Variants in YEATS4 observed in about 807,000 individuals in gnomAD.
YEATS4 encodes the protein YEATS domain-containing protein 4.
In YEATS4, 17 loss-of-function variants were observed where a neutral mutation model predicts 30.1. The ratio of observed to expected loss-of-function variants is 0.56; its 90% confidence interval spans 0.39 to 0.85. The LOEUF (loss-of-function observed/expected upper bound fraction) is 0.85. YEATS4 is among the 40% of genes least tolerant of loss of function. The pLI is 0.00. For synonymous variants in YEATS4, 85 were observed against 87.5 expected (o/e 0.97, Z 0.16); for missense variants, 142 against 268.3 (o/e 0.53, Z 3.29).
chr12:69,420,150 G>A, the YEATS4 span, among the ~76,000 whole-genome samples: 1 of 152,198 alleles, frequency 6.6e-6, no homozygotes, highest in Non-Finnish European at 1.5e-5. Flanking sequence ...TAATTTTCAT[G>A]GCCCATTCCC....
At chr12:69,391,566 C>T (rs1322352603), downstream of YEATS4, among the ~76,000 whole-genome samples, 1 of 152,114 alleles carries the variant, frequency 6.6e-6, no homozygotes, top group Non-Finnish European at 1.5e-5. Context: ...TACTTTGTGG[C>T]TTTATTTTTT....
intron 6 of YEATS4, among the ~76,000 whole-genome samples, chr12:69,374,702 G>C (rs1272936258): frequency 6.6e-6 from 1 of 151,150 alleles, no homozygotes; most frequent in Non-Finnish European, 1.5e-5. Context: ...TGGGGGTAAG[G>C]TTATGGATTA....
Position 69,359,927 on chromosome 12 carries a change from C to T in YEATS4, c.-46C>T, listed in dbSNP as rs199748516. On this transcript the variant is annotated 5_prime_UTR_variant, in exon 1 of 7. Transcript: ENST00000247843. ...CTGAGGGGAGCGGCGACCCCGCCAGCCCCGGTCTCTTTCCCTGGCGGCGGC... is the reference window on the plus strand; with the variant it reads ...CTGAGGGGAGCGGCGACCCCGCCAGTCCCGGTCTCTTTCCCTGGCGGCGGC... 1.2e-6 allele frequency: 2 copies of T among 1,610,520 alleles called. No individual in the cohort carries two copies. Among genetic ancestry groups the T allele is most frequent in the African/African-American group, 1.3e-5 (1 of 74,728 alleles).
At chr12:69,397,840 A>G in the YEATS4 span, among the ~76,000 whole-genome samples, 3 of 152,190 alleles carry the variant, frequency 2.0e-5, no homozygotes, top group South Asian at 6.2e-4. Flanking sequence ...AATCCTGCCC[A>G]CAACTTGATC....
chr12:69,381,013 T>C (rs1876054319), intron 6 of YEATS4, among the ~76,000 whole-genome samples: 1 of 152,126 alleles, frequency 6.6e-6, no homozygotes, highest in South Asian at 2.1e-4. Flanking sequence ...AAAACTAAAA[T>C]TGCTAATGAA....
chr12:69,412,477 C>T, the YEATS4 span, among the ~76,000 whole-genome samples: 19,059 of 151,692 alleles, frequency 0.13, 1,515 homozygotes, highest in East Asian at 0.38. Context: ...GGTGAAACCC[C>T]GTCTCTACTA....
At position 69,390,520 on chromosome 12, in the gene YEATS4, G is replaced by C; in HGVS notation, c.*204G>C. ...TGTGTGTAAGAATGGATGCTATATA[G>C]GTATTTTACCAACCCATTTTAAGAA... On this transcript the variant is annotated 3_prime_UTR_variant, in exon 7 of 7. Transcript: ENST00000247843. 1 of 353,176 alleles carries C rather than the reference G, an allele frequency of 2.8e-6. No individual in the cohort carries two copies. The highest frequency in any genetic ancestry group is 5.0e-6 in the Non-Finnish European group (1 of 201,338). 21.9% of individuals were successfully genotyped at this position (353,176 alleles called of 1,614,324 possible).
Position 69,379,583 on chromosome 12 carries a change from A to ATTTTTTTTT in YEATS4, c.514+8637_514+8645dup, listed in dbSNP as rs61048163. On this transcript the variant is annotated intron_variant, in intron 6 of 6. Transcript: ENST00000247843. ...CACATGCCACCACTATGCCCAGCTAATTTTTTTTTTTTTTTTTTTTTTTTT... is the reference window on the plus strand; with the variant it reads ...CACATGCCACCACTATGCCCAGCTAATTTTTTTTTTTTTTTTTTTTTTTTTTTTTTTTTT... Among the ~76,000 whole-genome samples, 30 of 72,272 alleles carry ATTTTTTTTT rather than the reference A, an allele frequency of 4.2e-4. 2 individuals are homozygous for ATTTTTTTTT. The highest frequency in any genetic ancestry group is 6.4e-4 in the South Asian group (1 of 1,574). 47.4% of individuals were successfully genotyped at this position (72,272 alleles called of 152,430 possible). A position where few individuals can be genotyped will look rare whatever the true frequency, so the allele number is the denominator to read the frequency against.
intron 4 of YEATS4, among the ~76,000 whole-genome samples, chr12:69,366,921 C>T (rs1332296951): frequency 1.3e-5 from 2 of 152,128 alleles, no homozygotes; most frequent in Admixed American, 1.3e-4. Context: ...AAAATTCAAG[C>T]TCCTAGGCCT....
chr12:69,386,075 T>C (rs749377562), intron 6 of YEATS4, among the ~76,000 whole-genome samples: 18 of 152,190 alleles, frequency 1.2e-4, no homozygotes, highest in Non-Finnish European at 1.6e-4. Flanking sequence ...CATTGGGAAA[T>C]TAAAAACAGA....
chr12:69,400,167 C>CT, the YEATS4 span, among the ~76,000 whole-genome samples: 2 of 151,816 alleles, frequency 1.3e-5, no homozygotes, highest in Non-Finnish European at 2.9e-5. Context: ...TTACTGAATA[C>CT]TTTATGTGCC....
the YEATS4 span, among the ~76,000 whole-genome samples, chr12:69,408,097 C>T: frequency 2.0e-5 from 3 of 152,052 alleles, no homozygotes; most frequent in Non-Finnish European, 2.9e-5. Flanking sequence ...TGGGCTGAAT[C>T]GGAAGAGAAC....
chr12:69,400,487 A>T, the YEATS4 span, among the ~76,000 whole-genome samples: 1 of 152,160 alleles, frequency 6.6e-6, no homozygotes, highest in Non-Finnish European at 1.5e-5. Context: ...CAATAGAAAA[A>T]TGGGCAAAGA....
At position 69,367,650 on chromosome 12, in the gene YEATS4, G is replaced by C. The variant is rs945996968; in HGVS notation, c.333+1766G>C. On this transcript the variant is annotated intron_variant, in intron 4 of 6. Coordinates refer to ENST00000247843, the MANE Select transcript of YEATS4 (RefSeq NM_006530.4). ...CAAGGTGCTGGGATTACAGGCATGA[G>C]CCACCATGACCGGTCAAGAAATTAT... Among the ~76,000 whole-genome samples the C allele has an allele frequency of 3.3e-5, 5 of 152,290 alleles. No individual in the cohort carries two copies. In the East Asian group the frequency reaches 9.6e-4, roughly 29 times the overall value.
intron 1 of YEATS4, 73 bp downstream of exon 1, chr12:69,360,096 G>A (rs1014253637): frequency 7.2e-6 from 11 of 1,525,338 alleles, no homozygotes; most frequent in Admixed American, 1.9e-5. Context: ...CGCGGGGAGG[G>A]CCCACTGGGT....
intron 1 of YEATS4, among the ~76,000 whole-genome samples, chr12:69,362,550 C>T (rs1033239033): frequency 6.6e-6 from 1 of 152,038 alleles, no homozygotes; most frequent in Non-Finnish European, 1.5e-5. Flanking sequence ...ACTCTAAAAG[C>T]GCTTTACATG....
chr12:69,369,063 A>T (rs1470502721), intron 4 of YEATS4, among the ~76,000 whole-genome samples: 1 of 152,172 alleles, frequency 6.6e-6, no homozygotes, highest in Non-Finnish European at 1.5e-5. Context: ...CCCCATCTCA[A>T]ACAAAATATA....
chr12:69,417,155 T>G, the YEATS4 span, among the ~76,000 whole-genome samples: 1 of 58,182 alleles, frequency 1.7e-5, no homozygotes, highest in Admixed American at 1.7e-4. Context: ...TTTTTAAAAA[T>G]TTTTTTTTTT....
chr12:69,364,269 T>C (rs746702171), intron 2 of YEATS4: 2 of 409,704 alleles, frequency 4.9e-6, no homozygotes, highest in South Asian at 3.5e-5. Flanking sequence ...ACTGGCAACA[T>C]AGTAAGACTC....
Sources: allele counts gnomAD v4.1 joint callset (sites outside exome capture counted in the v4.1 genomes callset), GRCh38; gene constraint gnomAD v4.1.1; transcripts MANE v1.5; gene names NCBI Gene and HGNC (gene_info 2026-07-23, HGNC 2026-07-21).